The following USP45 variants were observed in gnomAD, a reference collection of about 807,000 sequenced individuals.
The protein encoded by USP45 is ubiquitin specific peptidase 45, also known as ubiquitin carboxyl-terminal hydrolase 45.
A neutral mutation model predicts 95.8 loss-of-function variants in USP45; 89 were observed. The observed-to-expected ratio is 0.93, with a 90% CI of 0.78 to 1.11. The LOEUF is 1.11. USP45 is among the 50% of genes least tolerant of loss of function. The pLI, the probability that USP45 is intolerant of heterozygous loss-of-function variation, is 0.00. For synonymous variants in USP45, 281 were observed against 316.2 expected (o/e 0.89, Z 1.18); for missense variants, 898 against 942.5 (o/e 0.95, Z 0.62).
chr6:99,445,455 C>T lies in USP45; in HGVS notation c.1975+342G>A, dbSNP rs539028570. On this transcript the variant is annotated intron_variant, in intron 14 of 17. Coordinates refer to ENST00000500704, the MANE Select transcript of USP45 (RefSeq NM_001346022.3). ...CCGAGATCGCGCCACTGTACTCCAG[C>T]CTGGGCAACAGAGTGAGACTCCATC... 3.0e-3 allele frequency among the ~76,000 whole-genome samples: 455 copies of T among 151,022 alleles called. 5 individuals carry two copies. The highest frequency in any genetic ancestry group is 3.5e-3 in the Non-Finnish European group (240 of 67,892).
chr6:99,440,389 T>C (rs1034612116), intron 15 of USP45, among the ~76,000 whole-genome samples: 2 of 152,228 alleles, frequency 1.3e-5, no homozygotes, highest in Non-Finnish European at 1.5e-5. Context: ...TACTTTTATG[T>C]TCTTAAATAT....
At chr6:99,455,197 T>A (rs907022896) in intron 13 of USP45, among the ~76,000 whole-genome samples, 4 of 151,932 alleles carry the variant, frequency 2.6e-5, no homozygotes, top group Non-Finnish European at 2.9e-5. Flanking sequence ...ATCCCAGCAC[T>A]TTGGGAGACT....
At chr6:99,502,561 A>G (rs555602565) in intron 5 of USP45, among the ~76,000 whole-genome samples, 4 of 152,338 alleles carry the variant, frequency 2.6e-5, no homozygotes, top group African/African-American at 4.8e-5. Context: ...AGTTAGTGTC[A>G]GAACTACACT....
Position 99,466,704 on chromosome 6 carries a change from T to G in USP45, c.1075A>C (p.Thr359Pro). Residue 359 changes from threonine (T) to proline (P), a missense_variant, in exon 11 of 18, where the codon ACT becomes CCT. Transcript: ENST00000500704. The stretch of plus-strand genomic sequence containing the variant: ...CATTCTTCACACATGACCGTGCTAG[T>G]TAATTCACCAATAAAGATCCGATCT... ...FIDRIFIGEL[T>P]STVMCEECAN... is the part of the protein sequence containing the mutation. 1.2e-6 allele frequency: 2 copies of G among 1,613,592 alleles called. No individual in the cohort carries two copies.
intron 5 of USP45, among the ~76,000 whole-genome samples, chr6:99,502,965 C>G (rs1056225042): frequency 1.4e-4 from 21 of 152,236 alleles, no homozygotes; most frequent in African/African-American, 5.1e-4. Context: ...ACATGTGGAA[C>G]TGTGAGCCAA....
chr6:99,468,476 A>G lies in USP45; in HGVS notation c.1015+61T>C. The G allele has an allele frequency of 4.4e-6, 5 of 1,140,638 alleles. No individual in the cohort carries two copies. In the East Asian group the frequency reaches 1.3e-4, roughly 29 times the overall value. 70.7% of individuals were successfully genotyped at this position (1,140,638 alleles called of 1,614,324 possible). A position where few individuals can be genotyped will look rare whatever the true frequency, so the allele number is the denominator to read the frequency against. ...TCACATAATGTTCAGTTCTTTTTCC[A>G]ACTAAAATAAAATTTTAATATTTTC... is the stretch of plus-strand genomic sequence containing the variant. On this transcript the variant is annotated intron_variant, in intron 10 of 17. Coordinates refer to ENST00000500704, the MANE Select transcript of USP45 (RefSeq NM_001346022.3).
chr6:99,476,794 A>G (rs1324803659), intron 8 of USP45, among the ~76,000 whole-genome samples: 1 of 152,196 alleles, frequency 6.6e-6, no homozygotes, highest in African/African-American at 2.4e-5. Context: ...CCTTAACCAA[A>G]AGGAAAGCAA....
At position 99,435,092 on chromosome 6, in the gene USP45, C is replaced by A. The variant is rs1780254973; in HGVS notation, c.*624G>T. ...GGGAACTACACCGTATTAGGTGTTA[C>A]TTCATGAAATTATGTGTTATAGCAG... is the stretch of plus-strand genomic sequence containing the variant. On this transcript the variant is annotated 3_prime_UTR_variant, in exon 18 of 18. Coordinates refer to ENST00000500704, the MANE Select transcript of USP45 (RefSeq NM_001346022.3). 1.3e-5 allele frequency: 2 copies of A among 152,522 alleles called. No homozygotes were observed. The highest frequency in any genetic ancestry group is 2.1e-4 in the South Asian group (1 of 4,830). 9.4% of individuals were successfully genotyped at this position (152,522 alleles called of 1,614,324 possible).
Position 99,446,437 on chromosome 6 carries a change from A to C in USP45, c.1335T>G (p.Cys445Trp). The change falls in exon 14 of 18, where the codon TGT (cysteine) becomes TGG (tryptophan). Residue 445 changes from cysteine (C) to tryptophan (W), a missense_variant. Physicochemically the swap from Cys to Trp is radical, Grantham distance 215 (BLOSUM62 -2). Coordinates refer to ENST00000500704, the MANE Select transcript of USP45 (RefSeq NM_001346022.3). ...TTTCTCCAGATGACAATTTTCTAAT[A>C]CATTTTCGGTCATGAATTAGTTGAC... ...DKSQLIHDRK[C>W]IRKLSSGETV... 6.2e-7 allele frequency: 1 copy of C among 1,613,546 alleles called. No individual in the cohort carries two copies. Among genetic ancestry groups the C allele is most frequent in the Non-Finnish European group, 8.5e-7 (1 of 1,179,888 alleles).
At chr6:99,515,538 G>A (rs1210522470), upstream of USP45, 2 of 152,270 alleles carry the variant, frequency 1.3e-5, no homozygotes, top group African/African-American at 4.8e-5. Flanking sequence ...CCGGGAGCGC[G>A]GGGAGGGGTG....
rs1345030356 is a variant in USP45, at chr6:99,446,108, A to G, written c.1664T>C (p.Met555Thr). The change falls in exon 14 of 18, where the codon ATG (methionine) becomes ACG (threonine). Residue 555 changes from methionine to threonine, a missense_variant. Met to Thr is a moderately conservative substitution (Grantham distance 81). Transcript: ENST00000500704. The stretch of plus-strand genomic sequence containing the variant: ...ACGAAGTTCAGAAATAGCTTCTGCC[A>G]TTTCCTTATCACCACTGTCAGTCTC... ...TKETDSGDKE[M>T]AEAISELRLS... The G allele has an allele frequency of 6.2e-7, 1 of 1,613,944 alleles. No homozygotes were observed. Among genetic ancestry groups the G allele is most frequent in the African/African-American group, 1.3e-5 (1 of 74,916 alleles).
chr6:99,479,227 A>T (rs901745494), intron 8 of USP45, among the ~76,000 whole-genome samples: 1 of 150,640 alleles, frequency 6.6e-6, no homozygotes, highest in African/African-American at 2.4e-5. Flanking sequence ...ATCCAATAGT[A>T]TATTTTATTT....
At chr6:99,489,561 C>T (rs1372582715) in intron 5 of USP45, among the ~76,000 whole-genome samples, 1 of 152,072 alleles carries the variant, frequency 6.6e-6, no homozygotes, top group Non-Finnish European at 1.5e-5. Context: ...ATAAACAGAA[C>T]CACACTGTAA....
Position 99,445,867 on chromosome 6 carries a change from C to A in USP45, c.1905G>T (p.Gly635=). The A allele has an allele frequency of 6.2e-7, 1 of 1,610,642 alleles. No individual in the cohort carries two copies. The change falls in exon 14 of 18, where the codon GGG becomes GGT. Residue 635 remains glycine (G), a synonymous_variant. Coordinates refer to ENST00000500704, the MANE Select transcript of USP45 (RefSeq NM_001346022.3). ...YQFTSMELLM[G]NNKLLCENCT... ...AATTCTCACATAGAAGCTTATTATT[C>A]CCCATTAGTAATTCCATAGATGTAA...
chr6:99,462,262 A>G (rs551753582), intron 13 of USP45: 114 of 984,284 alleles, frequency 1.2e-4, no homozygotes, highest in Non-Finnish European at 1.3e-4. Flanking sequence ...AGTTATATCC[A>G]TGTGGTGTCC....
At chr6:99,496,891 C>T (rs565935289) in intron 5 of USP45, among the ~76,000 whole-genome samples, 2 of 152,040 alleles carry the variant, frequency 1.3e-5, no homozygotes, top group Admixed American at 1.3e-4. Context: ...CACCAGAATG[C>T]TTCATTTATT....
intron 4 of USP45, 68 bp downstream of exon 4, chr6:99,507,360 G>C: frequency 1.3e-6 from 1 of 786,110 alleles, no homozygotes; most frequent in East Asian, 2.8e-5. Context: ...TACCTTAAAA[G>C]CTTAAAGAAA....
At chr6:99,491,936 T>A (rs548612759) in intron 5 of USP45, among the ~76,000 whole-genome samples, 1 of 150,670 alleles carries the variant, frequency 6.6e-6, no homozygotes, top group South Asian at 2.1e-4. Context: ...CTATTGGGCC[T>A]GTTTTAAAAA....
intron 8 of USP45, among the ~76,000 whole-genome samples, chr6:99,478,182 T>C (rs1310595088): frequency 6.6e-6 from 1 of 151,034 alleles, no homozygotes; most frequent in East Asian, 2.0e-4. Context: ...ATTTACTGCC[T>C]TCTAAACCAC....
Sources: gnomAD v4.1 joint callset for allele counts (sites outside exome capture counted in the v4.1 genomes callset) on GRCh38, gnomAD v4.1.1 for gene constraint, MANE v1.5 for transcripts, NCBI Gene and HGNC (gene_info 2026-07-23, HGNC 2026-07-21) for gene names.